The following SPG11 variants were observed in gnomAD, a reference collection of about 807,000 sequenced individuals.
The protein encoded by SPG11 is spatacsin.
SPG11 carries 222 observed loss-of-function variants against 274.0 expected under a neutral mutation model. That is an observed-to-expected ratio of 0.81 (90% CI 0.73 to 0.91). The LOEUF (loss-of-function observed/expected upper bound fraction) is 0.91, where lower values mean the gene tolerates loss of function less well. SPG11 is among the 40% of genes least tolerant of loss of function. SPG11 has a pLI of 0.00. For missense variants in SPG11, 3,114 were observed against 2,872.7 expected, an observed-to-expected ratio of 1.08 and a Z score of -1.92; for synonymous variants, 1,144 against 1,039.7, an observed-to-expected ratio of 1.10 and a Z score of -1.93.
In SPG11 at chr15:44,584,275, C is replaced by G. The variant is rs762017376; in HGVS notation, c.5405G>C (p.Trp1802Ser). 1 of 1,613,552 alleles carries G rather than the reference C, an allele frequency of 6.2e-7. No individual in the cohort carries two copies. The highest frequency in any genetic ancestry group is 1.3e-5 in the African/African-American group (1 of 74,864). ...DKLEELEKQI[W>S]LCRITQHTLG... ...AGTGTGCTGGGTGATGCGGCACAGC[C>G]AGATCTGCTTCTCCAGCTCCTCCAG... Residue 1802 changes from tryptophan (W) to serine (S), a missense_variant, in exon 30 of 40, where the codon TGG becomes TCG. Physicochemically the swap from Trp to Ser is radical, Grantham distance 177. Transcript: ENST00000261866.
rs747620875 is a variant in SPG11 at position 44,563,285 on chromosome 15, G to A, written c.7168C>T (p.Pro2390Ser). 2.2e-5 allele frequency: 35 copies of A among 1,613,120 alleles called. No individual in the cohort carries two copies. In the South Asian group the frequency reaches 3.7e-4, roughly 17 times the overall value. The change falls in exon 40 of 40, where the codon CCT (proline) becomes TCT (serine). Residue 2390 changes from proline (P) to serine (S), a missense_variant. Coordinates refer to ENST00000261866, the MANE Select transcript of SPG11 (RefSeq NM_025137.4). ...AGGTTTTCCATGACCATGTCAGTAG[G>A]CTGATGTTGTTTATATCTAGATAAA... ...EISKKYKQHQ[P>S]TDMVMENLKK...
intron 4 of SPG11, 67 bp downstream of exon 4, chr15:44,657,028 G>T: frequency 7.2e-7 from 1 of 1,382,244 alleles, no homozygotes; most frequent in Non-Finnish European, 1.0e-6. Context: ...AAACTAACGA[G>T]GATATTTTTA....
rs763029576 is a variant in SPG11, at chr15:44,652,116, G to T, written c.1007+13C>A. 2 of 1,613,954 alleles carry T rather than the reference G, an allele frequency of 1.2e-6. No individual in the cohort carries two copies. The highest frequency in any genetic ancestry group is 1.7e-5 in the Admixed American group (1 of 60,002). On this transcript the variant is annotated intron_variant, in intron 5 of 39. Coordinates refer to ENST00000261866, the MANE Select transcript of SPG11 (RefSeq NM_025137.4). Reference sequence around the variant, plus strand: ...TAAGAACAATAAACTACATGAAAAGGAAGTTTCTGTACCTATCAATTTGGA... The same window carrying T: ...TAAGAACAATAAACTACATGAAAAGTAAGTTTCTGTACCTATCAATTTGGA...
At chr15:44,568,336 C>A (rs2082349937) in intron 35 of SPG11, among the ~76,000 whole-genome samples, 1 of 152,202 alleles carries the variant, frequency 6.6e-6, no homozygotes, top group South Asian at 2.1e-4. Context: ...CTTGAAGATG[C>A]ACCTATGTCC....
intron 11 of SPG11, among the ~76,000 whole-genome samples, chr15:44,624,741 T>TC (rs2083850413): frequency 6.6e-6 from 1 of 152,216 alleles, no homozygotes; most frequent in African/African-American, 2.4e-5. Context: ...GGTAATTTTT[T>TC]CACAATGTAC....
intron 4 of SPG11, among the ~76,000 whole-genome samples, chr15:44,652,809 C>G (rs1474672585): frequency 1.3e-5 from 2 of 152,084 alleles, no homozygotes; most frequent in East Asian, 3.8e-4. Flanking sequence ...TGCATGCCAC[C>G]ATGCCTGGCT....
Position 44,663,512 on chromosome 15 carries a change from G to C in SPG11, c.136C>G (p.Gln46Glu). 6.3e-7 allele frequency: 1 copy of C among 1,595,038 alleles called. No homozygotes were observed. Among genetic ancestry groups the C allele is most frequent in the Non-Finnish European group, 8.5e-7 (1 of 1,171,716 alleles). Residue 46 changes from glutamine to glutamate, a missense_variant, in exon 1 of 40, where the codon CAG (glutamine) becomes GAG (glutamate). Coordinates refer to ENST00000261866, the MANE Select transcript of SPG11 (RefSeq NM_025137.4). ...EAMGQLGSRA[Q>E]LRTQPEALGS... ...AGAGCCTCCGGCTGTGTGCGCAGCT[G>C]CGCCCGGGAGCCGAGCTGCCCCATC...
chr15:44,589,766 A>G (rs12594905), intron 27 of SPG11, among the ~76,000 whole-genome samples: 15,562 of 152,254 alleles, frequency 0.1, 1,439 homozygotes, highest in African/African-American at 0.23. Flanking sequence ...CCTTTGAGTC[A>G]CTGTAAAATT....
intron 23 of SPG11, 56 bp from the exon 24 acceptor site, chr15:44,596,999 A>G: frequency 1.9e-6 from 3 of 1,556,184 alleles, no homozygotes; most frequent in Non-Finnish European, 2.6e-6. Context: ...ACTCATTAAA[A>G]TATAGCTTTA....
chr15:44,622,667 T>C (rs1473071011), intron 12 of SPG11, 61 bp downstream of exon 12: 1 of 1,357,124 alleles, frequency 7.4e-7, no homozygotes, highest in East Asian at 2.3e-5. Context: ...AAGGTTTTCT[T>C]CCAAGTTTTT....
chr15:44,587,715 A>C (rs1022867846), intron 28 of SPG11, among the ~76,000 whole-genome samples: 13 of 151,200 alleles, frequency 8.6e-5, no homozygotes, highest in East Asian at 3.9e-4. Flanking sequence ...AAAAAAAAAA[A>C]AAAAACGTAT....
intron 15 of SPG11, among the ~76,000 whole-genome samples, chr15:44,617,535 G>C (rs762904807): frequency 2.6e-5 from 4 of 152,132 alleles, no homozygotes; most frequent in Non-Finnish European, 5.9e-5. Context: ...TGATCATACA[G>C]GTATAGGTCT....
chr15:44,613,481 G>A lies in SPG11; in HGVS notation c.3094C>T (p.Pro1032Ser), dbSNP rs760179445. 7.4e-6 allele frequency: 12 copies of A among 1,613,862 alleles called. No homozygotes were observed. Among genetic ancestry groups the A allele is most frequent in the Non-Finnish European group, 1.0e-5 (12 of 1,179,914 alleles). The change falls in exon 17 of 40, where the codon CCT becomes TCT. Residue 1032 changes from proline (P) to serine (S), a missense_variant. Coordinates refer to ENST00000261866, the MANE Select transcript of SPG11 (RefSeq NM_025137.4). ...CACTGAACTAAAAATTCAAACCAAG[G>A]GTGTGCTTCATGTAACTCTTTTTTT... Reference protein sequence around the residue: ...LEKKELHEAHPWFEFLVQCRQ... With the variant: ...LEKKELHEAHSWFEFLVQCRQ...
intron 23 of SPG11, chr15:44,597,176 C>T (rs1049848888): frequency 3.3e-5 from 13 of 397,018 alleles, no homozygotes; most frequent in East Asian, 2.2e-4. Context: ...TACAATGGTG[C>T]GATCTCAGCT....
chr15:44,604,445 A>G (rs954053397), intron 20 of SPG11, among the ~76,000 whole-genome samples: 3 of 152,238 alleles, frequency 2.0e-5, no homozygotes, highest in African/African-American at 4.8e-5. Context: ...AAATAAGACC[A>G]TAATTTTTTA....
At chr15:44,600,174 C>A in intron 21 of SPG11, 1 of 287,264 alleles carries the variant, frequency 3.5e-6, no homozygotes, top group South Asian at 5.3e-5. Flanking sequence ...CAACAATAAT[C>A]ACCATCCAAA....
At chr15:44,575,885 A>G (rs1226069335) in intron 30 of SPG11, among the ~76,000 whole-genome samples, 1 of 152,122 alleles carries the variant, frequency 6.6e-6, no homozygotes, top group Non-Finnish European at 1.5e-5. Context: ...GCTCACGCCT[A>G]TAATCCCAGC....
intron 26 of SPG11, among the ~76,000 whole-genome samples, chr15:44,593,567 C>A (rs1389018682): frequency 6.6e-6 from 1 of 152,122 alleles, no homozygotes; most frequent in Non-Finnish European, 1.5e-5. Context: ...GGCACTGATT[C>A]ATACATTTTA....
chr15:44,574,778 T>TAAG, intron 31 of SPG11, 124 bp downstream of exon 31: 2 of 1,199,404 alleles, frequency 1.7e-6, no homozygotes, highest in Non-Finnish European at 2.4e-6. Flanking sequence ...AACATCCTGA[T>TAAG]AAGAGCTCTA....
Sources: allele counts gnomAD v4.1 joint callset (sites outside exome capture counted in the v4.1 genomes callset), GRCh38; gene constraint gnomAD v4.1.1; transcripts MANE v1.5; gene names NCBI Gene and HGNC (gene_info 2026-07-23, HGNC 2026-07-21).